Variants in SEMA4B observed in about 807,000 individuals in gnomAD.
The protein encoded by SEMA4B is semaphorin 4B, also known as semaphorin-4B.
SEMA4B carries 55 observed loss-of-function variants against 88.1 expected under a neutral mutation model. The ratio of observed to expected loss-of-function variants is 0.62; its 90% CI spans 0.50 to 0.78. The LOEUF (loss-of-function observed/expected upper bound fraction) is 0.78. Among genes scored for constraint, SEMA4B ranks in the 30% least tolerant of loss-of-function variants. The pLI, the probability that SEMA4B is intolerant of heterozygous loss-of-function variation, is 0.00. For missense variants in SEMA4B, 1,062 were observed against 1,111.9 expected, an observed-to-expected ratio of 0.96 and a Z score of 0.64; for synonymous variants, 525 against 473.6, an observed-to-expected ratio of 1.11 and a Z score of -1.41.
intron 1 of SEMA4B, among the ~76,000 whole-genome samples, chr15:90,203,384 G>A (rs1367891020): frequency 6.6e-6 from 1 of 152,186 alleles, no homozygotes; most frequent in Non-Finnish European, 1.5e-5. Flanking sequence ...GGCAGGGTGA[G>A]ATGGGGGCAG....
intron 1 of SEMA4B, among the ~76,000 whole-genome samples, chr15:90,203,660 G>A (rs1019922289): frequency 2.6e-5 from 4 of 152,180 alleles, no homozygotes; most frequent in Admixed American, 6.5e-5. Context: ...CTTCTGTCAC[G>A]CACCAGCATT....
At chr15:90,205,039 T>C (rs1394486069) in intron 1 of SEMA4B, among the ~76,000 whole-genome samples, 1 of 152,212 alleles carries the variant, frequency 6.6e-6, no homozygotes, top group African/African-American at 2.4e-5. Flanking sequence ...CCTCCCAAAG[T>C]GCTGGGATTA....
Position 90,220,365 on chromosome 15 carries a change from TTC to T in SEMA4B, c.483+476_483+477del, listed in dbSNP as rs1303979714. ...ATTTTATTTCTTTTTTCTTTTTCTT[TTC>T]TTTTTTTTTTTTTTTTTTGAGATGG... On this transcript the variant is annotated intron_variant, in intron 4 of 13. Coordinates refer to ENST00000411539, the MANE Select transcript of SEMA4B (RefSeq NM_198925.4). The T allele has an allele frequency of 6.6e-3, 906 of 138,116 alleles. 78 individuals are homozygous for T. Among genetic ancestry groups the T allele is most frequent in the African/African-American group, 0.025 (834 of 33,380 alleles). 8.6% of individuals were successfully genotyped at this position (138,116 alleles called of 1,614,324 possible). A position where few individuals can be genotyped will look rare whatever the true frequency, so the allele number is the denominator to read the frequency against.
rs188263560 is a variant in SEMA4B, at chr15:90,202,570, G to A, written c.157+835G>A. ...GGCACTTGGGCTTTAGATTCAGAGG[G>A]TCCTGGATCCCAAGCCCATTTCTTC... On this transcript the variant is annotated intron_variant, in intron 1 of 13. Coordinates refer to ENST00000411539, the MANE Select transcript of SEMA4B (RefSeq NM_198925.4). Among the ~76,000 whole-genome samples the A allele has an allele frequency of 2.5e-4, 38 of 152,294 alleles. 2 individuals are homozygous for A. The highest frequency in any genetic ancestry group is 2.2e-3 in the Admixed American group (33 of 15,288).
Position 90,221,347 on chromosome 15 carries a change from T to A in SEMA4B, c.596-20T>A. On this transcript the variant is annotated intron_variant, in intron 5 of 13. Transcript: ENST00000411539. ...GGCCGTGCTGAGGAGCCCATTCCCA[T>A]GGGAATGTTTTCTTGGCAGATGGCG... 6.5e-7 allele frequency: 1 copy of A among 1,532,328 alleles called. No individual in the cohort carries two copies. The highest frequency in any genetic ancestry group is 1.2e-5 in the South Asian group (1 of 83,398). 94.9% of individuals were successfully genotyped at this position (1,532,328 alleles called of 1,614,324 possible).
chr15:90,218,493 T>G (rs1431266838), intron 3 of SEMA4B, among the ~76,000 whole-genome samples: 1 of 152,176 alleles, frequency 6.6e-6, no homozygotes, highest in African/African-American at 2.4e-5. Context: ...GGAGATTTAA[T>G]TGTGAAAAAG....
At chr15:90,218,788 C>T (rs1463764776) in intron 3 of SEMA4B, among the ~76,000 whole-genome samples, 1 of 152,166 alleles carries the variant, frequency 6.6e-6, no homozygotes, top group Non-Finnish European at 1.5e-5. Context: ...TGCACTCCAG[C>T]CTGGATGACA....
At chr15:90,206,905 G>T in intron 1 of SEMA4B, 1 of 688,848 alleles carries the variant, frequency 1.5e-6, no homozygotes. Flanking sequence ...AGTAGTTAAG[G>T]ACTATGGCAA....
chr15:90,224,582 A>G (rs932299669), intron 9 of SEMA4B, among the ~76,000 whole-genome samples: 5 of 152,194 alleles, frequency 3.3e-5, no homozygotes, highest in African/African-American at 4.8e-5. Flanking sequence ...TCAGAATTTC[A>G]GGAAGCCTCA....
chr15:90,193,798 G>C (rs115754486), intron 1 of SEMA4B, among the ~76,000 whole-genome samples: 2 of 151,926 alleles, frequency 1.3e-5, no homozygotes, highest in Non-Finnish European at 2.9e-5. Context: ...AATGTAGCTA[G>C]TACCTTGACT....
upstream of SEMA4B, among the ~76,000 whole-genome samples, chr15:90,200,180 G>C (rs1181554276): frequency 6.6e-6 from 1 of 152,238 alleles, no homozygotes; most frequent in African/African-American, 2.4e-5. Flanking sequence ...TGTTGTGGGA[G>C]CAGATGTGGC....
At position 90,228,253 on chromosome 15, in the gene SEMA4B, G is replaced by C; in HGVS notation, c.2124G>C (p.Trp708Cys). The C allele has an allele frequency of 6.3e-7, 1 of 1,596,774 alleles. No homozygotes were observed. The highest frequency in any genetic ancestry group is 8.5e-7 in the Non-Finnish European group (1 of 1,170,740). The part of the protein sequence containing the change: ...VSAPAGGKAS[W>C]GADRSYWKEF... Reference sequence around the variant, plus strand: ...CACCAGCTGGTGGCAAGGCCAGCTGGGGTGCAGACAGGTCCTACTGGAAGG... The same window carrying C: ...CACCAGCTGGTGGCAAGGCCAGCTGCGGTGCAGACAGGTCCTACTGGAAGG... Residue 708 changes from tryptophan to cysteine, a missense_variant, in exon 14 of 14, where the codon TGG (tryptophan) becomes TGC (cysteine). By Grantham distance (215) the Trp-to-Cys change is radical (BLOSUM62 -2). Transcript: ENST00000411539.
At position 90,227,582 on chromosome 15, in the gene SEMA4B, G is replaced by A. The variant is rs1184892686; in HGVS notation, c.1714G>A (p.Ala572Thr). ...TRPWIQDIEG[A>T]SAKDLCSASS... is the part of the protein sequence containing the mutation. ...GCCGTGGATCCAGGACATCGAGGGA[G>A]CCAGCGCCAAGGACCTTTGCAGCGC... The change falls in exon 13 of 14, where the codon GCC becomes ACC. Residue 572 changes from alanine to threonine, a missense_variant. Physicochemically the swap from Ala to Thr is moderately conservative, Grantham distance 58. Coordinates refer to ENST00000411539, the MANE Select transcript of SEMA4B (RefSeq NM_198925.4). 6.2e-7 allele frequency: 1 copy of A among 1,614,010 alleles called. No individual in the cohort carries two copies. Among genetic ancestry groups the A allele is most frequent in the Non-Finnish European group, 8.5e-7 (1 of 1,179,888 alleles).
At chr15:90,196,775 C>T (rs1421187045), upstream of SEMA4B, among the ~76,000 whole-genome samples, 1 of 152,250 alleles carries the variant, frequency 6.6e-6, no homozygotes, top group African/African-American at 2.4e-5. Context: ...GCGTGAGCCA[C>T]TGCACCCGGC....
intron 1 of SEMA4B, among the ~76,000 whole-genome samples, chr15:90,185,994 C>T (rs1387935258): frequency 1.5e-5 from 2 of 135,840 alleles, no homozygotes; most frequent in East Asian, 4.9e-4. Context: ...AGTGCAGTAG[C>T]GCGATCTTGG....
At chr15:90,221,538 G>A (rs557396016) in intron 6 of SEMA4B, 58 bp downstream of exon 6, 2 of 1,607,806 alleles carry the variant, frequency 1.2e-6, no homozygotes, top group African/African-American at 1.3e-5. Context: ...AGCCCTAGAA[G>A]GGGGCACTTT....
chr15:90,223,972 C>T lies in SEMA4B; in HGVS notation c.1178C>T (p.Thr393Ile). ...QWYTVTHPVP[T>I]PRPGACITNS... ...TACACCGTGACCCACCCGGTGCCCA[C>T]ACCCCGGCCTGGAGCGGTGGGTACT... Residue 393 changes from threonine (T) to isoleucine (I), a missense_variant, in exon 9 of 14, where the codon ACA (threonine) becomes ATA (isoleucine). By Grantham distance (89) the Thr-to-Ile change is moderately conservative. Transcript: ENST00000411539. The T allele has an allele frequency of 1.9e-6, 3 of 1,613,170 alleles. No homozygotes were observed. Among genetic ancestry groups the T allele is most frequent in the Non-Finnish European group, 2.5e-6 (3 of 1,179,760 alleles).
chr15:90,210,776 G>A (rs756788251), intron 1 of SEMA4B, among the ~76,000 whole-genome samples: 2 of 152,134 alleles, frequency 1.3e-5, no homozygotes, highest in South Asian at 4.1e-4. Flanking sequence ...TCAGCGAGGC[G>A]ATCCCTGGGC....
At chr15:90,186,528 AGAATCGCTT>A (rs1384515512) in intron 1 of SEMA4B, among the ~76,000 whole-genome samples, 5 of 152,148 alleles carry the variant, frequency 3.3e-5, no homozygotes, top group African/African-American at 1.2e-4. Context: ...CTGAGGCAGG[AGAATCGCTT>A]GAATCTGGGA....
Sources: allele counts gnomAD v4.1 joint callset (sites outside exome capture counted in the v4.1 genomes callset), GRCh38; gene constraint gnomAD v4.1.1; transcripts MANE v1.5; gene names NCBI Gene and HGNC (gene_info 2026-07-23, HGNC 2026-07-21).